Variants in GPD2 observed in about 807,000 individuals in gnomAD.
The protein encoded by GPD2 is glycerol-3-phosphate dehydrogenase 2.
GPD2 carries 54 observed loss-of-function variants against 82.4 expected under a neutral mutation model. The ratio of observed to expected loss-of-function variants is 0.66; its 90% confidence interval spans 0.53 to 0.82. GPD2 has a LOEUF of 0.82. Ranked by LOEUF, GPD2 falls within the 40% of genes least tolerant of loss-of-function variation. The pLI, the probability that GPD2 is intolerant of heterozygous loss-of-function variation, is 0.00. For missense variants in GPD2, 748 were observed against 896.2 expected (o/e 0.83, Z 2.11); for synonymous variants, 288 against 306.1 (o/e 0.94, Z 0.62).
At chr2:156,428,928 C>T in the GPD2 span, among the ~76,000 whole-genome samples, 2 of 152,122 alleles carry the variant, frequency 1.3e-5, no homozygotes, top group Non-Finnish European at 2.9e-5. Context: ...ATGCTCTGTG[C>T]GTGTAAAAAA....
chr2:156,512,235 GA>G lies in GPD2; in HGVS notation c.417del (p.Ala140ProfsTer9). The G allele has an allele frequency of 6.3e-7, 1 of 1,577,228 alleles. No homozygotes were observed. Among genetic ancestry groups the G allele is most frequent in the Non-Finnish European group, 8.7e-7 (1 of 1,146,448 alleles). ...LDIEQYRMVKEALHERANLLE... is the reference protein window; with the variant it reads ...LDIEQYRMVKXALHERANLLE... ...TGCCTTTCAGTATAGGATGGTAAAA[GA>G]AGCCCTTCATGAGCGTGCCAACCTG... On this transcript the variant is annotated frameshift_variant, in exon 5 of 17. Transcript: ENST00000438166. LOFTEE classifies it high-confidence loss of function.
chr2:156,485,778 A>G (rs1683916843), intron 2 of GPD2, among the ~76,000 whole-genome samples: 1 of 152,068 alleles, frequency 6.6e-6, no homozygotes. Context: ...TTTCTACTCC[A>G]CTGTATGGGA....
In GPD2 at chr2:156,568,919, T is replaced by C; in HGVS notation, c.1260T>C (p.His420=). The change falls in exon 10 of 17, where the codon CAT becomes CAC. Residue 420 remains histidine (H), a synonymous_variant. Transcript: ENST00000438166. ...ATACTCAGTCTATCTCCCGAAATCA[T>C]GTTGTTGATATCAGTGAGAGTGGCC... ...SADTQSISRN[H]VVDISESGLI... 11 of 1,609,108 alleles carry C rather than the reference T, an allele frequency of 6.8e-6. No individual in the cohort carries two copies. Among genetic ancestry groups the C allele is most frequent in the Middle Eastern group, 1.7e-4 (1 of 6,052 alleles).
chr2:156,462,493 G>C (rs185586519), intron 1 of GPD2, among the ~76,000 whole-genome samples: 1 of 150,218 alleles, frequency 6.7e-6, no homozygotes, highest in Non-Finnish European at 1.5e-5. Flanking sequence ...GTAGAGACGG[G>C]GTTTCTCCAT....
intron 2 of GPD2, among the ~76,000 whole-genome samples, chr2:156,494,722 A>C (rs1386610207): frequency 6.6e-6 from 1 of 152,242 alleles, no homozygotes; most frequent in African/African-American, 2.4e-5. Flanking sequence ...TGGGAAAAAC[A>C]CCACCATCAT....
intron 9 of GPD2, among the ~76,000 whole-genome samples, chr2:156,560,720 G>A (rs1406692028): frequency 2.0e-5 from 3 of 152,076 alleles, no homozygotes; most frequent in Admixed American, 6.6e-5. Flanking sequence ...TTAAAATGAG[G>A]CCAGTCAAAT....
rs1449998844 is a variant in GPD2 at position 156,585,419 on chromosome 2, T to A, written c.*2501T>A. ...GGATTCAGGTGAAGGAACCCCCATC[T>A]GTGCTGGAGAGTTGGATACTCCTTT... On this transcript the variant is annotated 3_prime_UTR_variant, in exon 17 of 17. Coordinates refer to ENST00000438166, the MANE Select transcript of GPD2 (RefSeq NM_000408.5). 1 of 152,384 alleles carries A rather than the reference T, an allele frequency of 6.6e-6. No individual in the cohort carries two copies. The highest frequency in any genetic ancestry group is 6.6e-5 in the Admixed American group (1 of 15,220). 9.4% of individuals were successfully genotyped at this position (152,384 alleles called of 1,614,324 possible).
At chr2:156,439,532 A>ACC (rs1411949745) in intron 1 of GPD2, among the ~76,000 whole-genome samples, 1 of 116,618 alleles carries the variant, frequency 8.6e-6, no homozygotes, top group African/African-American at 3.5e-5. Context: ...AAAAAAAAAA[A>ACC]AAAAAAACAA....
intron 1 of GPD2, among the ~76,000 whole-genome samples, chr2:156,447,726 G>A (rs1682417631): frequency 6.6e-6 from 1 of 152,122 alleles, no homozygotes; most frequent in African/African-American, 2.4e-5. Flanking sequence ...TCTCTTTTCT[G>A]TGAAACTGAG....
chr2:156,509,182 T>C (rs1367474064), intron 3 of GPD2, among the ~76,000 whole-genome samples: 1 of 152,162 alleles, frequency 6.6e-6, no homozygotes, highest in Non-Finnish European at 1.5e-5. Flanking sequence ...CCTGTAACTT[T>C]TGTGTTATTT....
chr2:156,570,129 G>A lies in GPD2; in HGVS notation c.1519G>A (p.Glu507Lys), dbSNP rs767888596. The A allele has an allele frequency of 1.2e-6, 2 of 1,612,060 alleles. No individual in the cohort carries two copies. The highest frequency in any genetic ancestry group is 2.2e-5 in the South Asian group (2 of 91,006). Residue 507 changes from glutamate (E) to lysine (K), a missense_variant, in exon 12 of 17, where the codon GAG becomes AAG. By Grantham distance (56) the Glu-to-Lys change is moderately conservative. Transcript: ENST00000438166. ...LAATYGDKAF[E>K]VAKMASVTGK... ...CGCCACCTATGGTGATAAGGCCTTT[G>A]AGGTGGCCAAAATGGCAAGTGTGAC... is the stretch of plus-strand genomic sequence containing the variant.
At chr2:156,519,024 G>C (rs1387768951) in intron 6 of GPD2, among the ~76,000 whole-genome samples, 9 of 152,266 alleles carry the variant, frequency 5.9e-5, no homozygotes, top group African/African-American at 2.2e-4. Flanking sequence ...TAGGGTATAG[G>C]AGGAACACAT....
chr2:156,571,007 G>T, intron 12 of GPD2, 127 bp from the exon 13 acceptor site: 1 of 734,720 alleles, frequency 1.4e-6, no homozygotes, highest in Non-Finnish European at 2.4e-6. Context: ...GCCTGCTGGA[G>T]GACCAGAGAG....
chr2:156,471,802 A>G (rs1683339637), intron 1 of GPD2, among the ~76,000 whole-genome samples: 1 of 152,238 alleles, frequency 6.6e-6, no homozygotes, highest in Non-Finnish European at 1.5e-5. Flanking sequence ...GACAGAGTGC[A>G]GAGTTACAAG....
the GPD2 span, among the ~76,000 whole-genome samples, chr2:156,418,044 ATC>A: frequency 6.6e-6 from 1 of 151,094 alleles, no homozygotes; most frequent in Non-Finnish European, 1.5e-5. Flanking sequence ...GTGAAACCCC[ATC>A]TCTACTAAAA....
At chr2:156,451,083 A>G (rs1159505939) in intron 1 of GPD2, among the ~76,000 whole-genome samples, 14 of 147,628 alleles carry the variant, frequency 9.5e-5, no homozygotes, top group Non-Finnish European at 2.0e-4. Context: ...AGACACGGCA[A>G]CCATCCGATT....
chr2:156,476,268 A>G lies in GPD2; in HGVS notation c.102+61A>G. On this transcript the variant is annotated intron_variant, in intron 2 of 16. Coordinates refer to ENST00000438166, the MANE Select transcript of GPD2 (RefSeq NM_000408.5). ...ACTTAAATCTGCTAAAGAGCTGTCT[A>G]TGGGGAATGTGTGCACTAACGGTTT... 3 of 899,792 alleles carry G rather than the reference A, an allele frequency of 3.3e-6. No individual in the cohort carries two copies. The South Asian group carries it at 3.9e-5, about 12-fold the overall frequency. 55.7% of individuals were successfully genotyped at this position (899,792 alleles called of 1,614,324 possible). A position where few individuals can be genotyped will look rare whatever the true frequency, so the allele number is the denominator to read the frequency against.
At chr2:156,451,222 A>C (rs1372327664) in intron 1 of GPD2, among the ~76,000 whole-genome samples, 1 of 150,608 alleles carries the variant, frequency 6.6e-6, no homozygotes, top group Admixed American at 6.6e-5. Flanking sequence ...GGGGCTCCTC[A>C]CCTCCCAGTA....
intron 3 of GPD2, among the ~76,000 whole-genome samples, chr2:156,504,872 T>C (rs1295503670): frequency 1.3e-5 from 2 of 152,166 alleles, no homozygotes; most frequent in African/African-American, 4.8e-5. Flanking sequence ...TGTGATTATA[T>C]ACATGCATAG....
Sources: gnomAD v4.1 joint callset for allele counts (sites outside exome capture counted in the v4.1 genomes callset) on GRCh38, gnomAD v4.1.1 for gene constraint, MANE v1.5 for transcripts, NCBI Gene and HGNC (gene_info 2026-07-23, HGNC 2026-07-21) for gene names.